PTBP2: variants seen among roughly 807,000 people sequenced by gnomAD.
PTBP2 encodes the protein polypyrimidine tract binding protein 2, also known as polypyrimidine tract-binding protein 2.
In PTBP2, 13 loss-of-function variants were observed where a neutral mutation model predicts 61.4. The ratio of observed to expected loss-of-function variants is 0.21; its 90% CI spans 0.14 to 0.34. The LOEUF (loss-of-function observed/expected upper bound fraction) is 0.34, where lower values mean the gene tolerates loss of function less well. Among genes scored for constraint, PTBP2 ranks in the 10% least tolerant of loss-of-function variants. The pLI is 1.00. For synonymous variants in PTBP2, 215 were observed against 218.5 expected (o/e 0.98, Z 0.14); for missense variants, 405 against 642.6 (o/e 0.63, Z 4.00).
intron 2 of PTBP2, among the ~76,000 whole-genome samples, chr1:96,744,077 G>C (rs1013317968): frequency 6.6e-6 from 1 of 151,980 alleles, no homozygotes. Flanking sequence ...TATAGTCCCA[G>C]CTACTCGGGA....
chr1:96,820,344 C>T (rs1001402264), exon 14 of PTBP2: 5 of 151,990 alleles, frequency 3.3e-5, no homozygotes, highest in African/African-American at 1.2e-4. Context: ...TAAACAGAAC[C>T]ACAGTACAGC....
intron 5 of PTBP2, among the ~76,000 whole-genome samples, chr1:96,774,141 A>G (rs1231237674): frequency 6.6e-6 from 1 of 151,814 alleles, no homozygotes; most frequent in African/African-American, 2.4e-5. Flanking sequence ...AAAGGAAGAA[A>G]TTCTGGTTCC....
At chr1:96,739,618 G>GTTTTTTT (rs772410191) in intron 2 of PTBP2, among the ~76,000 whole-genome samples, 3 of 83,802 alleles carry the variant, frequency 3.6e-5, no homozygotes, top group Admixed American at 1.3e-4. Flanking sequence ...ACTGGTGTGT[G>GTTTTTTT]TTTTTTTTTT....
chr1:96,798,156 A>G (rs1280935365), intron 8 of PTBP2, among the ~76,000 whole-genome samples: 2 of 151,980 alleles, frequency 1.3e-5, no homozygotes, highest in Non-Finnish European at 2.9e-5. Context: ...CTGTAATCCC[A>G]GCACTTTGGG....
chr1:96,812,651 A>T, intron 11 of PTBP2, 61 bp from the exon 12 acceptor site: 1 of 1,303,022 alleles, frequency 7.7e-7, no homozygotes, highest in Non-Finnish European at 1.1e-6. Context: ...TTACGTTAAA[A>T]GAATTATGTT....
At chr1:96,773,626 A>G (rs1657648683) in intron 5 of PTBP2, among the ~76,000 whole-genome samples, 1 of 152,024 alleles carries the variant, frequency 6.6e-6, no homozygotes, top group South Asian at 2.1e-4. Flanking sequence ...TGTTACCCCC[A>G]TTCCCCCCAA....
chr1:96,729,173 C>G (rs1478181880), intron 2 of PTBP2, among the ~76,000 whole-genome samples: 1 of 152,090 alleles, frequency 6.6e-6, no homozygotes, highest in Non-Finnish European at 1.5e-5. Context: ...AGGTGCACAC[C>G]ACCACGCCCA....
chr1:96,811,960 G>T (rs546796768), intron 11 of PTBP2, among the ~76,000 whole-genome samples: 5 of 152,200 alleles, frequency 3.3e-5, no homozygotes, highest in Admixed American at 3.3e-4. Context: ...ACAAAGGTTT[G>T]GATTTTGGAA....
exon 14 of PTBP2, chr1:96,821,474 G>T (rs1662680959): frequency 6.6e-6 from 1 of 151,788 alleles, no homozygotes; most frequent in Non-Finnish European, 1.5e-5. Context: ...CCATTATTAT[G>T]CTTTCAAGTA....
At chr1:96,729,024 T>C (rs1650992388) in intron 2 of PTBP2, among the ~76,000 whole-genome samples, 2 of 152,158 alleles carry the variant, frequency 1.3e-5, no homozygotes, top group African/African-American at 4.8e-5. Context: ...GTTTTTTTTA[T>C]ATATTTCATC....
chr1:96,754,208 G>A (rs1654902898), intron 3 of PTBP2, among the ~76,000 whole-genome samples: 2 of 152,138 alleles, frequency 1.3e-5, no homozygotes, highest in Non-Finnish European at 2.9e-5. Context: ...GGGAAAAAAA[G>A]CGAATTTCTT....
At chr1:96,737,257 C>T (rs1167971619) in intron 2 of PTBP2, among the ~76,000 whole-genome samples, 5 of 152,094 alleles carry the variant, frequency 3.3e-5, no homozygotes, top group Admixed American at 2.6e-4. Context: ...TGAGCCACTG[C>T]GACCGGCCCA....
At chr1:96,729,660 A>G (rs1222314403) in intron 2 of PTBP2, among the ~76,000 whole-genome samples, 2 of 150,802 alleles carry the variant, frequency 1.3e-5, no homozygotes, top group South Asian at 2.1e-4. Context: ...GGTAATTTGT[A>G]TCTTCTGTAG....
chr1:96,802,857 T>A (rs1378897832), intron 8 of PTBP2, among the ~76,000 whole-genome samples: 1 of 152,224 alleles, frequency 6.6e-6, no homozygotes, highest in Non-Finnish European at 1.5e-5. Context: ...CTGCTACTAA[T>A]AAATAATTGT....
chr1:96,804,509 G>A (rs1661320418), intron 8 of PTBP2, among the ~76,000 whole-genome samples: 1 of 152,056 alleles, frequency 6.6e-6, no homozygotes, highest in Non-Finnish European at 1.5e-5. Flanking sequence ...TATTTTTCAT[G>A]CTTTGTTTGC....
chr1:96,800,788 A>C (rs1660905926), intron 8 of PTBP2, among the ~76,000 whole-genome samples: 1 of 152,156 alleles, frequency 6.6e-6, no homozygotes, highest in African/African-American at 2.4e-5. Context: ...AATTACCATT[A>C]TAAATTTATT....
chr1:96,792,124 A>C (rs1022637676), intron 8 of PTBP2, among the ~76,000 whole-genome samples: 3 of 152,070 alleles, frequency 2.0e-5, no homozygotes, highest in African/African-American at 7.2e-5. Context: ...GGCGTGAGCC[A>C]CCGCGCCTAG....
intron 8 of PTBP2, among the ~76,000 whole-genome samples, chr1:96,794,974 A>T (rs1051890032): frequency 2.0e-5 from 3 of 152,340 alleles, no homozygotes; most frequent in African/African-American, 7.2e-5. Flanking sequence ...GTATGAATTT[A>T]ATATGGGAAT....
At chr1:96,724,175 T>C (rs142471647) in intron 2 of PTBP2, among the ~76,000 whole-genome samples, 1 of 152,318 alleles carries the variant, frequency 6.6e-6, no homozygotes, top group African/African-American at 2.4e-5. Flanking sequence ...CTACTCATCG[T>C]TTAAACTTTA....
Sources: allele counts gnomAD v4.1 joint callset (sites outside exome capture counted in the v4.1 genomes callset), GRCh38; gene constraint gnomAD v4.1.1; transcripts MANE v1.5; gene names NCBI Gene and HGNC (gene_info 2026-07-23, HGNC 2026-07-21).